Variants in TXLNB observed in about 807,000 individuals in gnomAD.
The protein encoded by TXLNB is taxilin beta, also known as beta-taxilin.
In TXLNB, 37 loss-of-function variants were observed where a neutral mutation model predicts 57.4. The observed-to-expected ratio is 0.64, with a 90% CI of 0.50 to 0.85. The LOEUF (loss-of-function observed/expected upper bound fraction) is 0.85. Ranked by LOEUF, TXLNB falls within the 40% of genes least tolerant of loss-of-function variation. The pLI is 0.00. For synonymous variants in TXLNB, 302 were observed against 309.6 expected, an observed-to-expected ratio of 0.98 and a Z score of 0.26; for missense variants, 848 against 825.6, an observed-to-expected ratio of 1.03 and a Z score of -0.33.
chr6:139,247,532 C>CTTTTTT (rs61368061), intron 8 of TXLNB, among the ~76,000 whole-genome samples: 5 of 63,078 alleles, frequency 7.9e-5, no homozygotes, highest in Non-Finnish European at 1.2e-4. Context: ...CTCTGGTCTT[C>CTTTTTT]TTTTTTTTTT....
At chr6:139,182,764 C>T in the TXLNB span, among the ~76,000 whole-genome samples, 2 of 152,148 alleles carry the variant, frequency 1.3e-5, no homozygotes, top group Non-Finnish European at 2.9e-5. Context: ...AAACTTTTAG[C>T]ATTGTGGTAA....
chr6:139,186,575 G>A, the TXLNB span, among the ~76,000 whole-genome samples: 2 of 152,190 alleles, frequency 1.3e-5, no homozygotes, highest in Non-Finnish European at 2.9e-5. Flanking sequence ...TTCTTAAAAA[G>A]TTAAACATGT....
At chr6:139,208,091 G>A in the TXLNB span, among the ~76,000 whole-genome samples, 34 of 152,080 alleles carry the variant, frequency 2.2e-4, 1 homozygote, top group African/African-American at 7.5e-4. Context: ...AAAAAAAAGA[G>A]AGAGAGAGAG....
chr6:139,274,254 G>A (rs1387588773), intron 3 of TXLNB, among the ~76,000 whole-genome samples: 2 of 152,130 alleles, frequency 1.3e-5, no homozygotes, highest in Admixed American at 6.5e-5. Context: ...ACTCTGCAAG[G>A]ATGAGTGAGC....
chr6:139,278,767 A>G (rs1468700422), intron 2 of TXLNB, among the ~76,000 whole-genome samples: 2 of 152,214 alleles, frequency 1.3e-5, no homozygotes, highest in Non-Finnish European at 2.9e-5. Flanking sequence ...ACACTTTGGG[A>G]GGCTAAGGCG....
At chr6:139,308,420 T>C in the TXLNB span, among the ~76,000 whole-genome samples, 67 of 152,348 alleles carry the variant, frequency 4.4e-4, no homozygotes, top group African/African-American at 1.4e-3. Flanking sequence ...CAGTAGGTAG[T>C]GGAAGAGGGA....
chr6:139,165,834 A>T, the TXLNB span, among the ~76,000 whole-genome samples: 1 of 152,188 alleles, frequency 6.6e-6, no homozygotes, highest in East Asian at 1.9e-4. Flanking sequence ...TGTACTTAAG[A>T]TAGAGTACAA....
At chr6:139,185,478 G>C in the TXLNB span, among the ~76,000 whole-genome samples, 1 of 152,166 alleles carries the variant, frequency 6.6e-6, no homozygotes, top group African/African-American at 2.4e-5. Context: ...GAGGTGGGCG[G>C]ATCATGAGGT....
chr6:139,255,644 A>G lies in TXLNB; in HGVS notation c.1003-6T>C, dbSNP rs1462010226. 2 of 1,612,086 alleles carry G rather than the reference A, an allele frequency of 1.2e-6. No homozygotes were observed. The highest frequency in any genetic ancestry group is 1.7e-6 in the Non-Finnish European group (2 of 1,178,590). ...TCTGCTGCCTGGTTCAGCAACTATG[A>G]GAAGAGAGAGTGTGTGGAAAGATGG... is the stretch of plus-strand genomic sequence containing the variant. On this transcript the variant is annotated splice_region_variant and splice_polypyrimidine_tract_variant and intron_variant, in intron 6 of 9. Transcript: ENST00000358430.
the TXLNB span, among the ~76,000 whole-genome samples, chr6:139,216,518 T>A: frequency 6.6e-6 from 1 of 151,148 alleles, no homozygotes; most frequent in Non-Finnish European, 1.5e-5. Flanking sequence ...GAGATATACC[T>A]AATGCTAAAC....
the TXLNB span, chr6:139,166,334 C>G: frequency 5.0e-6 from 8 of 1,613,412 alleles, no homozygotes; most frequent in Non-Finnish European, 6.8e-6. Flanking sequence ...GCCGGTGGAC[C>G]TGGAGAAGGA....
At chr6:139,235,857 C>A (rs867512161), downstream of TXLNB, among the ~76,000 whole-genome samples, 1 of 152,160 alleles carries the variant, frequency 6.6e-6, no homozygotes, top group Non-Finnish European at 1.5e-5. Context: ...TCAAGAGGAA[C>A]ACATCAGCGG....
chr6:139,243,142 G>A lies in TXLNB; in HGVS notation c.1439C>T (p.Ser480Leu). 6.2e-7 allele frequency: 1 copy of A among 1,614,158 alleles called. No homozygotes were observed. Among genetic ancestry groups the A allele is most frequent in the South Asian group, 1.1e-5 (1 of 91,070 alleles). Reference sequence around the variant, plus strand: ...AATCTCTTGATCCACAGAGACGTTTGACTCTGGCTCTTCATCGGAGTTGTG... The same window carrying A: ...AATCTCTTGATCCACAGAGACGTTTAACTCTGGCTCTTCATCGGAGTTGTG... ...SQHNSDEEPE[S>L]NVSVDQEIDA... is the part of the protein sequence containing the mutation. The change falls in exon 10 of 10, where the codon TCA (serine) becomes TTA (leucine). Residue 480 changes from serine (S) to leucine (L), a missense_variant. Physicochemically the swap from Ser to Leu is moderately radical, Grantham distance 145. Transcript: ENST00000358430.
the TXLNB span, among the ~76,000 whole-genome samples, chr6:139,161,095 T>C: frequency 2.0e-5 from 3 of 151,990 alleles, no homozygotes; most frequent in African/African-American, 7.3e-5. Context: ...GAAAGTATGT[T>C]TGAACCGAGC....
At chr6:139,184,644 G>C in the TXLNB span, among the ~76,000 whole-genome samples, 3 of 152,168 alleles carry the variant, frequency 2.0e-5, no homozygotes, top group African/African-American at 7.2e-5. Flanking sequence ...ATCTAGCTTT[G>C]AGTTATTTTT....
At chr6:139,191,959 C>A in the TXLNB span, among the ~76,000 whole-genome samples, 1 of 152,192 alleles carries the variant, frequency 6.6e-6, no homozygotes, top group African/African-American at 2.4e-5. Flanking sequence ...CTTCTGTGAG[C>A]AGCTAAGCAT....
At chr6:139,203,582 G>A in the TXLNB span, 1 of 152,100 alleles carries the variant, frequency 6.6e-6, no homozygotes, top group African/African-American at 2.4e-5. Flanking sequence ...TACCTCTCTG[G>A]ATGCTTTTTA....
At chr6:139,302,105 G>T in the TXLNB span, among the ~76,000 whole-genome samples, 1 of 152,120 alleles carries the variant, frequency 6.6e-6, no homozygotes, top group South Asian at 2.1e-4. Context: ...ATTTTGCTTA[G>T]ATGAATTTTT....
At chr6:139,307,332 G>A in the TXLNB span, among the ~76,000 whole-genome samples, 1 of 152,270 alleles carries the variant, frequency 6.6e-6, no homozygotes, top group Admixed American at 6.5e-5. Context: ...TGGAACTACA[G>A]GTGTATGACA....
Sources: allele counts gnomAD v4.1 joint callset (sites outside exome capture counted in the v4.1 genomes callset), GRCh38; gene constraint gnomAD v4.1.1; transcripts MANE v1.5; gene names NCBI Gene and HGNC (gene_info 2026-07-23, HGNC 2026-07-21).